Variants in ZNF629 observed in about 807,000 individuals in gnomAD.
ZNF629 encodes DNA-binding protein.
A neutral mutation model predicts 59.7 loss-of-function variants in ZNF629; 9 were observed. That is an observed-to-expected ratio of 0.15 (90% confidence interval 0.09 to 0.26). ZNF629 has a LOEUF of 0.26. Ranked by LOEUF, ZNF629 falls within the 10% of genes least tolerant of loss-of-function variation. ZNF629 has a pLI of 1.00. For synonymous variants in ZNF629, 509 were observed against 498.9 expected, an observed-to-expected ratio of 1.02 and a Z score of -0.27; for missense variants, 853 against 1,165.4, an observed-to-expected ratio of 0.73 and a Z score of 3.90.
Position 30,784,007 on chromosome 16 carries a change from G to T in ZNF629, c.321C>A (p.Thr107=). 6.4e-7 allele frequency: 1 copy of T among 1,574,600 alleles called. No homozygotes were observed. ...ACTGCCAGCTGGCCTCGCAGGCCTT[G>T]GTCCAGTCAGATGGGGTAGGGACTA... is the stretch of plus-strand genomic sequence containing the variant. ...PEVVPTPSDW[T]KACEASWQWG... Residue 107 remains threonine (T), a synonymous_variant, in exon 3 of 3, where the codon ACC becomes ACA. Coordinates refer to ENST00000262525, the MANE Select transcript of ZNF629 (RefSeq NM_001080417.3).
In ZNF629 at chr16:30,783,706, A is replaced by C. The variant is rs1464995909; in HGVS notation, c.622T>G (p.Cys208Gly). The change falls in exon 3 of 3, where the codon TGC (cysteine) becomes GGC (glycine). Residue 208 changes from cysteine to glycine, a missense_variant. Cys to Gly is a radical substitution (Grantham distance 159, BLOSUM62 -3). This residue lies in a region of ZNF629 where 201 missense variants were observed against 536.5 expected (regional missense o/e 0.37). Transcript: ENST00000262525. ...RTHTGEKPYKCPDCGKCFSWS... is the reference protein window; with the variant it reads ...RTHTGEKPYKGPDCGKCFSWS... ...CTGAAGCACTTGCCGCAGTCGGGGC[A>C]CTTGTAGGGCTTCTCGCCGGTGTGC... The C allele has an allele frequency of 6.2e-7, 1 of 1,613,502 alleles. No homozygotes were observed. Among genetic ancestry groups the C allele is most frequent in the Non-Finnish European group, 8.5e-7 (1 of 1,179,802 alleles).
chr16:30,782,012 A>G lies in ZNF629; in HGVS notation c.2316T>C (p.Asp772=). ...PLGARPYRCS[D]CRASFLDRVA... ...CGCGGTCGAGGAAGGAGGCCCTGCA[A>G]TCTGAGCAGCGGTAGGGTCTGGCCC... Residue 772 remains aspartate, a synonymous_variant, in exon 3 of 3, where the codon GAT becomes GAC. Coordinates refer to ENST00000262525, the MANE Select transcript of ZNF629 (RefSeq NM_001080417.3). 3 of 1,570,552 alleles carry G rather than the reference A, an allele frequency of 1.9e-6. No individual in the cohort carries two copies. The highest frequency in any genetic ancestry group is 1.7e-6 in the Non-Finnish European group (2 of 1,158,506).
Position 30,784,491 on chromosome 16 carries a change from T to G in ZNF629, c.-9A>C, listed in dbSNP as rs1292898139. On this transcript the variant is annotated 5_prime_UTR_variant, in exon 2 of 3. Coordinates refer to ENST00000262525, the MANE Select transcript of ZNF629 (RefSeq NM_001080417.3). ...GCAGTCTCGGGCTCCATCCCAGAGCTCAGGACTGCAGTGTTCCAGGGACCC... is the reference window on the plus strand; with the variant it reads ...GCAGTCTCGGGCTCCATCCCAGAGCGCAGGACTGCAGTGTTCCAGGGACCC... 5.8e-6 allele frequency: 9 copies of G among 1,542,574 alleles called. No homozygotes were observed. Among genetic ancestry groups the G allele is most frequent in the Non-Finnish European group, 7.0e-6 (8 of 1,146,290 alleles).
In ZNF629 at chr16:30,784,454, G is replaced by C. The variant is rs1197141582; in HGVS notation, c.29C>G (p.Pro10Arg). ...GCTCTGTTCCGGACCCTGCAGATCC[G>C]GGCCCCACAGCGCAGTCTCGGGCTC... MEPETALWG[P>R]DLQGPEQSPN... The change falls in exon 2 of 3, where the codon CCG (proline) becomes CGG (arginine). Residue 10 changes from proline (P) to arginine (R), a missense_variant. Transcript: ENST00000262525. The C allele has an allele frequency of 1.9e-6, 3 of 1,560,938 alleles. No individual in the cohort carries two copies. The highest frequency in any genetic ancestry group is 4.8e-5 in the East Asian group (2 of 41,992).
Position 30,779,618 on chromosome 16 carries a change from G to A in ZNF629, c.*2100C>T, listed in dbSNP as rs1467284622. ...TCTCCCTCTCCCCAGCAGGCCTGGC[G>A]TTTTCCTCCCACAATGTTTGAGATT... On this transcript the variant is annotated 3_prime_UTR_variant, in exon 3 of 3. Coordinates refer to ENST00000262525, the MANE Select transcript of ZNF629 (RefSeq NM_001080417.3). 7.9e-5 allele frequency: 12 copies of A among 152,000 alleles called. No individual in the cohort carries two copies. The highest frequency in any genetic ancestry group is 1.5e-4 in the African/African-American group (6 of 41,374). The allele number at this position is 152,000 out of a possible 1,614,324, so 9.4% of individuals were successfully genotyped here. A position where few individuals can be genotyped will look rare whatever the true frequency, so the allele number is the denominator to read the frequency against.
In ZNF629 at chr16:30,782,701, C is replaced by G; in HGVS notation, c.1627G>C (p.Ala543Pro). 4 of 1,611,424 alleles carry G rather than the reference C, an allele frequency of 2.5e-6. No homozygotes were observed. The highest frequency in any genetic ancestry group is 2.2e-5 in the South Asian group (2 of 90,836). Reference sequence around the variant, plus strand: ...AGGCTGTCGCCCTGGGCCCTACGCGCTGGGGTCTTCCCCCTCTCATGGATC... The same window carrying G: ...AGGCTGTCGCCCTGGGCCCTACGCGGTGGGGTCTTCCCCCTCTCATGGATC... ...RVIHERGKTP[A>P]RRAQGDSLLG... The change falls in exon 3 of 3, where the codon GCG (alanine) becomes CCG (proline). Residue 543 changes from alanine to proline, a missense_variant. Physicochemically the swap from Ala to Pro is conservative, Grantham distance 27 (BLOSUM62 -1). Around this residue, in one of 3 missense-constraint regions of ZNF629, gnomAD observed 420 missense variants for 435.6 expected, o/e 0.96. Transcript: ENST00000262525.
Position 30,783,819 on chromosome 16 carries a change from C to T in ZNF629, c.509G>A (p.Arg170His). Residue 170 changes from arginine to histidine, a missense_variant, in exon 3 of 3, where the codon CGC becomes CAC. Physicochemically the swap from Arg to His is conservative, Grantham distance 29. Transcript: ENST00000262525. ...GTTGGGCCGCTCTCCCGTGTGGATGCGCTGGTGCCGCAGCAGCTTGGACCA... is the reference window on the plus strand; with the variant it reads ...GTTGGGCCGCTCTCCCGTGTGGATGTGCTGGTGCCGCAGCAGCTTGGACCA... ...SQWSKLLRHQ[R>H]IHTGERPNTC... 2 of 1,612,914 alleles carry T rather than the reference C, an allele frequency of 1.2e-6. No homozygotes were observed. Among genetic ancestry groups the T allele is most frequent in the Non-Finnish European group, 1.7e-6 (2 of 1,179,542 alleles).
intron 1 of ZNF629, 108 bp from the exon 2 acceptor site, chr16:30,784,623 G>C (rs2054316731): frequency 4.8e-6 from 4 of 826,934 alleles, no homozygotes; most frequent in Non-Finnish European, 5.4e-6. Flanking sequence ...CTCCTTGTGT[G>C]AACTTCAGTG....
At position 30,781,602 on chromosome 16, in the gene ZNF629, C is replaced by A; in HGVS notation, c.*116G>T. 1.9e-6 allele frequency: 2 copies of A among 1,049,582 alleles called. No homozygotes were observed. The highest frequency in any genetic ancestry group is 2.6e-6 in the Non-Finnish European group (2 of 780,140). 65.0% of individuals were successfully genotyped at this position (1,049,582 alleles called of 1,614,324 possible). On this transcript the variant is annotated 3_prime_UTR_variant, in exon 3 of 3. Coordinates refer to ENST00000262525, the MANE Select transcript of ZNF629 (RefSeq NM_001080417.3). ...CTATTTTTTCCCAGGGTTCTTTCTC[C>A]TCCACTCCACTACCATCTGATAGGG...
rs1251431223 is a variant in ZNF629 at position 30,784,513 on chromosome 16, A to G, written c.-31T>C. On this transcript the variant is annotated splice_region_variant and 5_prime_UTR_variant, in exon 2 of 3. Transcript: ENST00000262525. ...AGCTCAGGACTGCAGTGTTCCAGGG[A>G]CCCTGCGGGGGAAGACAGCGATGAG... The G allele has an allele frequency of 1.3e-6, 2 of 1,513,702 alleles. No individual in the cohort carries two copies. The highest frequency in any genetic ancestry group is 2.2e-5 in the Admixed American group (1 of 44,600). The allele number at this position is 1,513,702 out of a possible 1,614,324, so 93.8% of individuals were successfully genotyped here.
chr16:30,782,465 GA>G lies in ZNF629; in HGVS notation c.1862del (p.Phe621SerfsTer79). ...CAGCCCCGGGGTAGGAATTCCCTCT[GA>G]AAGGGAGCCTTGGGGATCGTAACTG... ...PPQLRSPRLP[F>X]RGNSYPGAAE... On this transcript the variant is annotated frameshift_variant, in exon 3 of 3. Coordinates refer to ENST00000262525, the MANE Select transcript of ZNF629 (RefSeq NM_001080417.3). LOFTEE classifies it high-confidence loss of function. The G allele has an allele frequency of 6.4e-7, 1 of 1,568,162 alleles. No individual in the cohort carries two copies. The highest frequency in any genetic ancestry group is 8.7e-7 in the Non-Finnish European group (1 of 1,156,030).
In ZNF629 at chr16:30,781,257, G is replaced by A. The variant is rs2054278462; in HGVS notation, c.*461C>T. 1 of 153,054 alleles carries A rather than the reference G, an allele frequency of 6.5e-6. No homozygotes were observed. The highest frequency in any genetic ancestry group is 2.4e-5 in the African/African-American group (1 of 41,450). The allele number at this position is 153,054 out of a possible 1,614,324, so 9.5% of individuals were successfully genotyped here. A position where few individuals can be genotyped will look rare whatever the true frequency, so the allele number is the denominator to read the frequency against. On this transcript the variant is annotated 3_prime_UTR_variant, in exon 3 of 3. Transcript: ENST00000262525. ...GGGAGAGAACATTGTGGAACAGTGA[G>A]GGAGAGGTGTTTTCTGCATCATCTG...
At position 30,781,537 on chromosome 16, in the gene ZNF629, C is replaced by T. The variant is rs2054280769; in HGVS notation, c.*181G>A. On this transcript the variant is annotated 3_prime_UTR_variant, in exon 3 of 3. Coordinates refer to ENST00000262525, the MANE Select transcript of ZNF629 (RefSeq NM_001080417.3). The stretch of plus-strand genomic sequence containing the variant: ...CTACTGCCTTATAAGTGCTTCCCAC[C>T]AACAATTTTATAGGGTTTCTCATCA... The T allele has an allele frequency of 1.9e-6, 1 of 519,506 alleles. No individual in the cohort carries two copies. The highest frequency in any genetic ancestry group is 5.1e-5 in the South Asian group (1 of 19,752). The allele number at this position is 519,506 out of a possible 1,614,324, so 32.2% of individuals were successfully genotyped here.
rs2054280646 is a variant in ZNF629 at position 30,781,522 on chromosome 16, A to G, written c.*196T>C. ...CCCAACAGTTTTTCTCTACTGCCTT[A>G]TAAGTGCTTCCCACCAACAATTTTA... On this transcript the variant is annotated 3_prime_UTR_variant, in exon 3 of 3. Coordinates refer to ENST00000262525, the MANE Select transcript of ZNF629 (RefSeq NM_001080417.3). The G allele has an allele frequency of 2.2e-6, 1 of 462,866 alleles. No individual in the cohort carries two copies. Among genetic ancestry groups the G allele is most frequent in the Non-Finnish European group, 3.7e-6 (1 of 272,664 alleles). The allele number at this position is 462,866 out of a possible 1,614,324, so 28.7% of individuals were successfully genotyped here. A position where few individuals can be genotyped will look rare whatever the true frequency, so the allele number is the denominator to read the frequency against.
rs1034739725 is a variant in ZNF629, at chr16:30,782,694, C to T, written c.1634G>A (p.Arg545Lys). The change falls in exon 3 of 3, where the codon AGG becomes AAG. Residue 545 changes from arginine (R) to lysine (K), a missense_variant. By Grantham distance (26) the Arg-to-Lys change is conservative. Transcript: ENST00000262525. ...CCCCAGCAGGCTGTCGCCCTGGGCC[C>T]TACGCGCTGGGGTCTTCCCCCTCTC... Reference protein sequence around the residue: ...IHERGKTPARRAQGDSLLGLG... With the variant: ...IHERGKTPARKAQGDSLLGLG... 1.1e-5 allele frequency: 18 copies of T among 1,608,528 alleles called. No homozygotes were observed. In the Admixed American group the frequency reaches 1.2e-4, roughly 11 times the overall value.
rs887073297 is a variant in ZNF629 at position 30,786,605 on chromosome 16, G to A, written c.-34+423C>T. Among the ~76,000 whole-genome samples, 6 of 152,060 alleles carry A rather than the reference G, an allele frequency of 3.9e-5. No homozygotes were observed. Among genetic ancestry groups the A allele is most frequent in the Non-Finnish European group, 8.8e-5 (6 of 67,974 alleles). On this transcript the variant is annotated intron_variant, in intron 1 of 2. Transcript: ENST00000262525. This position sits in a 1 kb window ranked among gnomAD's most constrained non-coding sequence, Gnocchi z 4.8. ...CCTGACATGGAGGCGGCGGGAATGC[G>A]GCCGCCCGGCCCGGCCCCCCCACCG...
In ZNF629 at chr16:30,783,124, A is replaced by G. The variant is rs750347248; in HGVS notation, c.1204T>C (p.Tyr402His). The G allele has an allele frequency of 6.2e-7, 1 of 1,613,992 alleles. No homozygotes were observed. The highest frequency in any genetic ancestry group is 1.1e-5 in the South Asian group (1 of 91,070). ...CTCTTGCCGCACTCTGGGCACTTGT[A>G]GGGCCGCTCGCCCGTGTGCGTGCGC... ...HQRTHTGERP[Y>H]KCPECGKSFS... The change falls in exon 3 of 3, where the codon TAC (tyrosine) becomes CAC (histidine). Residue 402 changes from tyrosine (Y) to histidine (H), a missense_variant. By Grantham distance (83) the Tyr-to-His change is moderately conservative (BLOSUM62 2). Transcript: ENST00000262525.
intron 1 of ZNF629, among the ~76,000 whole-genome samples, chr16:30,785,424 G>A (rs1283821251): frequency 6.6e-6 from 1 of 152,170 alleles, no homozygotes; most frequent in Non-Finnish European, 1.5e-5. Context: ...GACCTTGGGA[G>A]TCATGTGAGA....
In ZNF629 at chr16:30,782,497, G is replaced by T. The variant is rs1190762877; in HGVS notation, c.1831C>A (p.Pro611Thr). The T allele has an allele frequency of 6.4e-7, 1 of 1,566,626 alleles. No individual in the cohort carries two copies. Among genetic ancestry groups the T allele is most frequent in the Middle Eastern group, 1.7e-4 (1 of 6,002 alleles). Residue 611 changes from proline (P) to threonine (T), a missense_variant, in exon 3 of 3, where the codon CCT becomes ACT. Pro to Thr is a conservative substitution (Grantham distance 38). Around this residue, in one of 3 missense-constraint regions of ZNF629, gnomAD observed 420 missense variants for 435.6 expected, o/e 0.96. Coordinates refer to ENST00000262525, the MANE Select transcript of ZNF629 (RefSeq NM_001080417.3). Reference protein sequence around the residue: ...DGLIAHAAPKPPQLRSPRLPF... With the variant: ...DGLIAHAAPKTPQLRSPRLPF... ...AGCCTTGGGGATCGTAACTGAGGAG[G>T]TTTGGGGGCTGCGTGTGCGATGAGG...
Sources: gnomAD v4.1 joint callset for allele counts (sites outside exome capture counted in the v4.1 genomes callset) on GRCh38, gnomAD v4.1.1 for gene constraint, gnomAD v4.1.1 regional missense constraint, Gnocchi (gnomAD v3.1) non-coding constraint, MANE v1.5 for transcripts, NCBI Gene and HGNC (gene_info 2026-07-23, HGNC 2026-07-21) for gene names.